The following RPTOR variants were observed in gnomAD, a reference collection of about 807,000 sequenced individuals.
RPTOR encodes the protein regulatory-associated protein of mTOR.
Under a neutral mutation model 169.9 loss-of-function variants are expected in RPTOR, and 21 were observed. That is an observed-to-expected ratio of 0.12 (90% CI 0.09 to 0.18). RPTOR has a LOEUF of 0.18. Ranked by LOEUF, RPTOR falls within the 10% of genes least tolerant of loss-of-function variation. The probability of loss-of-function intolerance (pLI) is 1.00; values close to 1 mark genes in which losing one functional copy is unlikely to be tolerated. For synonymous variants in RPTOR, 732 were observed against 753.2 expected, an observed-to-expected ratio of 0.97 and a Z score of 0.46; for missense variants, 1,133 against 1,855.9, an observed-to-expected ratio of 0.61 and a Z score of 7.16.
At chr17:80,785,544 A>G (rs1019677394) in intron 6 of RPTOR, among the ~76,000 whole-genome samples, 1 of 152,098 alleles carries the variant, frequency 6.6e-6, no homozygotes, top group African/African-American at 2.4e-5. Flanking sequence ...AGTGGGTGAA[A>G]TGAGTCCTCG....
chr17:80,722,131 C>T (rs1193475782), intron 4 of RPTOR, among the ~76,000 whole-genome samples: 1 of 150,930 alleles, frequency 6.6e-6, no homozygotes, highest in Non-Finnish European at 1.5e-5. Context: ...TCTTCCTTTC[C>T]TTCCCTCCAA....
intron 6 of RPTOR, among the ~76,000 whole-genome samples, chr17:80,777,464 A>AG (rs1219022608): frequency 6.6e-6 from 1 of 151,986 alleles, no homozygotes; most frequent in East Asian, 1.9e-4. Context: ...CTGTGTGTGA[A>AG]GTGGTATCTC....
At chr17:80,875,783 C>T (rs1193708479) in intron 13 of RPTOR, among the ~76,000 whole-genome samples, 3 of 145,442 alleles carry the variant, frequency 2.1e-5, no homozygotes, top group African/African-American at 5.2e-5. Flanking sequence ...GCCTGTGCCA[C>T]GCAGGGTGTG....
At chr17:80,656,462 G>A (rs997739641) in intron 3 of RPTOR, among the ~76,000 whole-genome samples, 1 of 152,200 alleles carries the variant, frequency 6.6e-6, no homozygotes, top group African/African-American at 2.4e-5. Flanking sequence ...CAAATGAGGC[G>A]AAGCACAGAA....
At chr17:80,577,662 A>G (rs1284026278) in intron 1 of RPTOR, among the ~76,000 whole-genome samples, 2 of 152,192 alleles carry the variant, frequency 1.3e-5, no homozygotes, top group Middle Eastern at 3.2e-3. Flanking sequence ...CAAGCAATAG[A>G]TAAAGAGGTA....
intron 25 of RPTOR, among the ~76,000 whole-genome samples, chr17:80,943,052 G>A (rs2069053293): frequency 6.6e-6 from 1 of 152,230 alleles, no homozygotes; most frequent in Admixed American, 6.5e-5. Context: ...CCTTTCCGTG[G>A]TTCTGGGTGT....
intron 1 of RPTOR, among the ~76,000 whole-genome samples, chr17:80,596,901 C>T (rs932679546): frequency 3.3e-5 from 5 of 152,082 alleles, no homozygotes; most frequent in African/African-American, 1.2e-4. Context: ...GGCATTTTAG[C>T]AGCTGTTTTT....
chr17:80,751,082 A>T (rs1000271086), intron 5 of RPTOR, among the ~76,000 whole-genome samples: 1 of 152,160 alleles, frequency 6.6e-6, no homozygotes, highest in Non-Finnish European at 1.5e-5. Flanking sequence ...TCCAGCTGAG[A>T]AATTTGAGAT....
intron 3 of RPTOR, among the ~76,000 whole-genome samples, chr17:80,703,340 T>C (rs2066117039): frequency 6.6e-6 from 1 of 152,198 alleles, no homozygotes; most frequent in Non-Finnish European, 1.5e-5. Context: ...CTGAAAAACA[T>C]ATCCTGTGTT....
At chr17:80,551,718 C>T (rs1466977725) in intron 1 of RPTOR, among the ~76,000 whole-genome samples, 6 of 152,104 alleles carry the variant, frequency 3.9e-5, no homozygotes, top group Non-Finnish European at 7.4e-5. Context: ...AAGAGGCATG[C>T]CTTCCTCTTC....
rs766800770 is a variant in RPTOR, at chr17:80,707,864, C to T, written c.372C>T (p.Asp124=). The T allele has an allele frequency of 8.1e-6, 13 of 1,614,050 alleles. No individual in the cohort carries two copies. Among genetic ancestry groups the T allele is most frequent in the Non-Finnish European group, 1.1e-5 (13 of 1,179,976 alleles). ...QPRARYKQSL[D]PTVDEVKKLC... ...AGGCCCGGTACAAGCAGAGCCTTGA[C>T]CCAACTGTGGATGAAGTCAAGAAGC... The change falls in exon 4 of 34, where the codon GAC becomes GAT. Residue 124 remains aspartate, a synonymous_variant. Coordinates refer to ENST00000306801, the MANE Select transcript of RPTOR (RefSeq NM_020761.3). The surrounding 1 kb of genome is among the most constrained non-coding windows in gnomAD (Gnocchi z 5.0).
intron 1 of RPTOR, among the ~76,000 whole-genome samples, chr17:80,559,277 G>C (rs537997500): frequency 6.6e-6 from 1 of 152,192 alleles, no homozygotes; most frequent in Non-Finnish European, 1.5e-5. Flanking sequence ...GCACACGACG[G>C]TGCTTTGTCC....
intron 9 of RPTOR, among the ~76,000 whole-genome samples, chr17:80,830,300 C>T (rs2067488891): frequency 6.6e-6 from 1 of 152,214 alleles, no homozygotes. Context: ...CGACCCCGCC[C>T]CGCCCCAACT....
chr17:80,594,361 G>A (rs1242284961), intron 1 of RPTOR, among the ~76,000 whole-genome samples: 1 of 152,208 alleles, frequency 6.6e-6, no homozygotes, highest in Non-Finnish European at 1.5e-5. Flanking sequence ...CAAAGTGCTG[G>A]GATTACAGGC....
chr17:80,874,978 G>A (rs778127525), intron 13 of RPTOR, among the ~76,000 whole-genome samples: 35 of 152,200 alleles, frequency 2.3e-4, no homozygotes, highest in Non-Finnish European at 4.0e-4. Context: ...CACGTGGTAG[G>A]GTATTTGCGT....
chr17:80,952,336 G>A (rs749408222), intron 28 of RPTOR, among the ~76,000 whole-genome samples: 3 of 152,230 alleles, frequency 2.0e-5, no homozygotes, highest in Non-Finnish European at 4.4e-5. Flanking sequence ...TCTTCGTCAG[G>A]TGCTCACGGA....
At chr17:80,904,734 C>T (rs2068519570) in intron 20 of RPTOR, among the ~76,000 whole-genome samples, 1 of 152,122 alleles carries the variant, frequency 6.6e-6, no homozygotes, top group Non-Finnish European at 1.5e-5. Context: ...TCTCTGCGGT[C>T]TGTTTTGGGG....
chr17:80,724,706 T>G (rs1403616681), intron 4 of RPTOR, among the ~76,000 whole-genome samples: 1 of 152,206 alleles, frequency 6.6e-6, no homozygotes, highest in Non-Finnish European at 1.5e-5. Context: ...ACACCCCACC[T>G]GCCCTTCCAG....
chr17:80,815,039 C>T (rs62069413), intron 7 of RPTOR, among the ~76,000 whole-genome samples: 5,506 of 152,294 alleles, frequency 0.036, 145 homozygotes, highest in East Asian at 0.07. Context: ...GGCTGGAAAG[C>T]GATGTATTTG....
Sources: gnomAD v4.1 joint callset for allele counts (sites outside exome capture counted in the v4.1 genomes callset) on GRCh38, gnomAD v4.1.1 for gene constraint, Gnocchi (gnomAD v3.1) non-coding constraint, MANE v1.5 for transcripts, NCBI Gene and HGNC (gene_info 2026-07-23, HGNC 2026-07-21) for gene names.